C12orf56: variants seen among roughly 807,000 people sequenced by gnomAD.
C12orf56 encodes chromosome 12 open reading frame 56.
Under a neutral mutation model 69.9 loss-of-function variants are expected in C12orf56, and 71 were observed. The ratio of observed to expected loss-of-function variants is 1.02; its 90% CI spans 0.84 to 1.24. The LOEUF is 1.24. Among genes scored for constraint, C12orf56 ranks in the 50% most tolerant of loss-of-function variants. The pLI is 0.00. For synonymous variants in C12orf56, 276 were observed against 274.1 expected, an observed-to-expected ratio of 1.01 and a Z score of -0.07; for missense variants, 732 against 738.5, an observed-to-expected ratio of 0.99 and a Z score of 0.10.
chr12:64,345,342 T>C (rs2039126447), intron 2 of C12orf56, among the ~76,000 whole-genome samples: 1 of 152,000 alleles, frequency 6.6e-6, no homozygotes, highest in Admixed American at 6.6e-5. Flanking sequence ...CAGGCAAAGG[T>C]GGAAAGACTG....
chr12:64,338,207 A>T (rs2039022095), intron 2 of C12orf56: 4 of 579,314 alleles, frequency 6.9e-6, no homozygotes, highest in South Asian at 4.2e-5. Context: ...TTTGCCCTGA[A>T]CAAGCCCCCC....
intron 2 of C12orf56, among the ~76,000 whole-genome samples, chr12:64,335,236 G>A (rs1412922182): frequency 2.6e-5 from 4 of 151,978 alleles, no homozygotes; most frequent in Non-Finnish European, 5.9e-5. Flanking sequence ...GGCCAACATA[G>A]AGAAACCTCA....
intron 4 of C12orf56, among the ~76,000 whole-genome samples, chr12:64,315,823 G>C (rs4763015): frequency 0.99 from 149,698 of 151,906 alleles, 73,798 homozygotes; most frequent in Middle Eastern, 1. Context: ...CCCAGCTACT[G>C]GAGAGGCTGA....
chr12:64,318,850 A>T lies in C12orf56; in HGVS notation c.619T>A (p.Ser207Thr). The T allele has an allele frequency of 6.5e-7, 1 of 1,537,156 alleles. No homozygotes were observed. The highest frequency in any genetic ancestry group is 8.7e-7 in the Non-Finnish European group (1 of 1,146,896). Residue 207 changes from serine to threonine, a missense_variant, in exon 4 of 13, where the codon TCT becomes ACT. Coordinates refer to ENST00000543942, the MANE Select transcript of C12orf56 (RefSeq NM_001170633.2). ...LPSPSRRSSQ[S>T]APTTGKAVSE... is the part of the protein sequence containing the mutation. ...ACAGCCTTGCCAGTTGTTGGTGCAGACTGAGAGCTCCTCCTGGAGGGGGAA... is the reference window on the plus strand; with the variant it reads ...ACAGCCTTGCCAGTTGTTGGTGCAGTCTGAGAGCTCCTCCTGGAGGGGGAA...
intron 3 of C12orf56, among the ~76,000 whole-genome samples, chr12:64,329,000 G>A (rs1243966593): frequency 1.3e-5 from 2 of 151,482 alleles, no homozygotes; most frequent in African/African-American, 2.4e-5. Context: ...GGGAGGCAGA[G>A]GTTGCAGTGA....
intron 6 of C12orf56, among the ~76,000 whole-genome samples, chr12:64,299,140 T>C (rs1010146282): frequency 6.6e-6 from 1 of 152,164 alleles, no homozygotes; most frequent in South Asian, 2.1e-4. Context: ...ATTCTCTTAG[T>C]AGCAATTGTG....
chr12:64,296,542 C>A (rs2038366769), intron 6 of C12orf56, among the ~76,000 whole-genome samples: 1 of 152,124 alleles, frequency 6.6e-6, no homozygotes, highest in African/African-American at 2.4e-5. Flanking sequence ...TTGAGTGTCA[C>A]CCATACCTGA....
chr12:64,317,708 C>T (rs1354397202), intron 4 of C12orf56, among the ~76,000 whole-genome samples: 3 of 151,358 alleles, frequency 2.0e-5, no homozygotes, highest in South Asian at 2.1e-4. Context: ...TTCAGTGAGC[C>T]GAGATCACAC....
intron 1 of C12orf56, among the ~76,000 whole-genome samples, chr12:64,368,692 A>G (rs2039530503): frequency 6.6e-6 from 1 of 152,162 alleles, no homozygotes; most frequent in Non-Finnish European, 1.5e-5. Flanking sequence ...TATTAAGTAC[A>G]TCATCGCCAA....
intron 1 of C12orf56, among the ~76,000 whole-genome samples, chr12:64,375,792 G>A (rs990745199): frequency 1.3e-5 from 2 of 152,100 alleles, no homozygotes; most frequent in African/African-American, 4.8e-5. Flanking sequence ...GTTCTAAAGT[G>A]TCATCTTCTC....
chr12:64,344,678 G>T (rs768932673), intron 2 of C12orf56, among the ~76,000 whole-genome samples: 6 of 152,244 alleles, frequency 3.9e-5, no homozygotes, highest in Non-Finnish European at 7.4e-5. Context: ...CAATTACAGG[G>T]CTCTTCAAAG....
intron 1 of C12orf56, among the ~76,000 whole-genome samples, chr12:64,366,839 T>TAACATACAGTTTATATATATTATATAA (rs2039491102): frequency 8.7e-6 from 1 of 114,670 alleles, no homozygotes; most frequent in Non-Finnish European, 1.7e-5. Context: ...ATATTATATA[T>TAACATACAGTTTATATATATTATATAA]AACATACAGT....
chr12:64,308,263 A>C (rs2038541913), intron 5 of C12orf56, among the ~76,000 whole-genome samples: 1 of 152,190 alleles, frequency 6.6e-6, no homozygotes, highest in African/African-American at 2.4e-5. Context: ...TGGAAATTGC[A>C]GTGAGCCAAG....
intron 1 of C12orf56, among the ~76,000 whole-genome samples, chr12:64,362,329 G>T (rs1311734877): frequency 1.3e-5 from 2 of 152,168 alleles, no homozygotes; most frequent in East Asian, 3.9e-4. Flanking sequence ...CCAAGAGAGG[G>T]TTCATGGATC....
At chr12:64,357,343 G>C (rs2039331500) in intron 1 of C12orf56, among the ~76,000 whole-genome samples, 1 of 151,854 alleles carries the variant, frequency 6.6e-6, no homozygotes, top group Non-Finnish European at 1.5e-5. Context: ...TATCAGTCTT[G>C]GGGGTGCTTT....
At chr12:64,339,413 G>A (rs2039043734) in intron 2 of C12orf56, among the ~76,000 whole-genome samples, 1 of 152,122 alleles carries the variant, frequency 6.6e-6, no homozygotes, top group African/African-American at 2.4e-5. Flanking sequence ...ATAGCCAAGT[G>A]GAAGAGATGT....
At chr12:64,316,524 A>G (rs1299295640) in intron 4 of C12orf56, among the ~76,000 whole-genome samples, 9 of 152,198 alleles carry the variant, frequency 5.9e-5, no homozygotes, top group Admixed American at 5.9e-4. Context: ...AACTAGTACT[A>G]TAGGTGCTAC....
At chr12:64,329,322 T>C (rs978533228) in intron 3 of C12orf56, among the ~76,000 whole-genome samples, 6 of 152,042 alleles carry the variant, frequency 3.9e-5, no homozygotes, top group Non-Finnish European at 8.8e-5. Flanking sequence ...TTCAATTAAA[T>C]GTTAGTATTG....
intron 6 of C12orf56, among the ~76,000 whole-genome samples, chr12:64,301,667 T>C (rs1261077185): frequency 2.0e-5 from 3 of 152,242 alleles, no homozygotes; most frequent in Non-Finnish European, 1.5e-5. Context: ...TGGAAAACTT[T>C]GTAATTTTGA....
Sources: gnomAD v4.1 joint callset for allele counts (sites outside exome capture counted in the v4.1 genomes callset) on GRCh38, gnomAD v4.1.1 for gene constraint, MANE v1.5 for transcripts, NCBI Gene and HGNC (gene_info 2026-07-23, HGNC 2026-07-21) for gene names.